The following GRM5 variants were observed in gnomAD, a reference collection of about 807,000 sequenced individuals.
The protein encoded by GRM5 is metabotropic glutamate receptor 5.
A neutral mutation model predicts 83.1 loss-of-function variants in GRM5; 19 were observed. That is an observed-to-expected ratio of 0.23 (90% confidence interval 0.16 to 0.34). GRM5 has a LOEUF of 0.34. GRM5 is among the 10% of genes least tolerant of loss of function. GRM5 has a pLI of 1.00. For synonymous variants in GRM5, 675 were observed against 633.6 expected, an observed-to-expected ratio of 1.07 and a Z score of -0.98; for missense variants, 1,160 against 1,588.3, an observed-to-expected ratio of 0.73 and a Z score of 4.58.
At chr11:88,884,571 G>A (rs1422647923) in intron 2 of GRM5, among the ~76,000 whole-genome samples, 6 of 152,128 alleles carry the variant, frequency 3.9e-5, no homozygotes, top group Non-Finnish European at 8.8e-5. Flanking sequence ...AAAGGGACAT[G>A]AGACTTGGGA....
chr11:88,989,580 AC>A (rs1349077386), intron 2 of GRM5, among the ~76,000 whole-genome samples: 1 of 138,260 alleles, frequency 7.2e-6, no homozygotes, highest in African/African-American at 2.9e-5. Context: ...ACCACACCAC[AC>A]CTATTCCAAA....
At chr11:89,024,989 G>A (rs952165590) in intron 2 of GRM5, among the ~76,000 whole-genome samples, 2 of 151,816 alleles carry the variant, frequency 1.3e-5, no homozygotes, top group African/African-American at 4.9e-5. Context: ...CTTAATGTCT[G>A]CCTCAAGCCA....
chr11:88,899,838 A>G (rs1333824334), intron 2 of GRM5, among the ~76,000 whole-genome samples: 1 of 152,062 alleles, frequency 6.6e-6, no homozygotes, highest in East Asian at 1.9e-4. Context: ...TTGTCAGCTG[A>G]TTAAATTTAT....
intron 9 of GRM5, among the ~76,000 whole-genome samples, 174 bp from the exon 10 acceptor site, chr11:88,509,678 C>A (rs1461070678): frequency 2.0e-5 from 3 of 152,130 alleles, no homozygotes; most frequent in African/African-American, 7.2e-5. Flanking sequence ...AGTGGCTTTC[C>A]TTTGCTTGTT....
intron 3 of GRM5, among the ~76,000 whole-genome samples, chr11:88,670,526 C>A (rs1402341533): frequency 9.1e-6 from 1 of 109,910 alleles, no homozygotes; most frequent in Non-Finnish European, 1.9e-5. Context: ...ATGACAGATA[C>A]CAAAATGATA....
intron 9 of GRM5, among the ~76,000 whole-genome samples, chr11:88,524,214 C>CTTTCTTTT (rs1555060035): frequency 9.9e-6 from 1 of 101,406 alleles, no homozygotes; most frequent in African/African-American, 4.5e-5. Context: ...TTCTTTCTTT[C>CTTTCTTTT]TTTTTTTTTT....
chr11:88,858,869 AACT>A (rs1219837094), intron 2 of GRM5, among the ~76,000 whole-genome samples: 2 of 152,072 alleles, frequency 1.3e-5, no homozygotes, highest in Non-Finnish European at 2.9e-5. Flanking sequence ...TCTGAATTGG[AACT>A]ATTTGGGAGT....
intron 2 of GRM5, among the ~76,000 whole-genome samples, chr11:88,863,679 G>C (rs1270086404): frequency 2.0e-5 from 3 of 151,618 alleles, no homozygotes; most frequent in African/African-American, 4.8e-5. Context: ...ATGTTAAAAG[G>C]AATTATGTTT....
chr11:89,031,525 T>C (rs1271453645), intron 2 of GRM5, among the ~76,000 whole-genome samples: 1 of 151,852 alleles, frequency 6.6e-6, no homozygotes, highest in Admixed American at 6.6e-5. Context: ...ATGCCACGAA[T>C]AACAATGTCC....
At chr11:88,942,297 G>T (rs1938141766) in intron 2 of GRM5, among the ~76,000 whole-genome samples, 1 of 151,976 alleles carries the variant, frequency 6.6e-6, no homozygotes, top group Non-Finnish European at 1.5e-5. Context: ...AGAGGGAAGT[G>T]TGTGGTAAGA....
chr11:88,743,409 A>T (rs572862691), intron 3 of GRM5, among the ~76,000 whole-genome samples: 1 of 152,220 alleles, frequency 6.6e-6, no homozygotes, highest in Non-Finnish European at 1.5e-5. Context: ...AGTATAATGG[A>T]ACTTTATCTC....
chr11:88,826,617 CAT>C (rs1943898605), intron 3 of GRM5, among the ~76,000 whole-genome samples: 1 of 151,968 alleles, frequency 6.6e-6, no homozygotes, highest in South Asian at 2.1e-4. Flanking sequence ...TGGTGACTGT[CAT>C]ATATGTACTG....
At chr11:88,550,584 T>C (rs1942485394) in intron 8 of GRM5, among the ~76,000 whole-genome samples, 3 of 152,142 alleles carry the variant, frequency 2.0e-5, no homozygotes, top group Non-Finnish European at 4.4e-5. Context: ...CTTCAGACGT[T>C]GACTGGATTA....
chr11:88,825,611 G>A (rs12273497), intron 3 of GRM5, among the ~76,000 whole-genome samples: 3,888 of 152,256 alleles, frequency 0.026, 175 homozygotes, highest in African/African-American at 0.089. Flanking sequence ...CAAGTGGGAT[G>A]CAACTAATGC....
At chr11:88,981,009 C>A (rs1170749119) in intron 2 of GRM5, among the ~76,000 whole-genome samples, 15 of 116,548 alleles carry the variant, frequency 1.3e-4, no homozygotes, top group Non-Finnish European at 4.1e-5. Flanking sequence ...AGTCCCTAAT[C>A]AGAAAAAAAA....
At chr11:88,929,100 A>G (rs1236414529) in intron 2 of GRM5, among the ~76,000 whole-genome samples, 1 of 152,136 alleles carries the variant, frequency 6.6e-6, no homozygotes, top group Non-Finnish European at 1.5e-5. Flanking sequence ...TTGGAATAAT[A>G]ATAACCAAAT....
chr11:88,556,119 G>C (rs1432613138), intron 8 of GRM5, among the ~76,000 whole-genome samples: 1 of 152,070 alleles, frequency 6.6e-6, no homozygotes, highest in African/African-American at 2.4e-5. Context: ...CCCCAGGATA[G>C]AGCAATGATT....
chr11:88,922,442 C>A (rs1945709325), intron 2 of GRM5, among the ~76,000 whole-genome samples: 1 of 152,078 alleles, frequency 6.6e-6, no homozygotes, highest in Admixed American at 6.6e-5. Context: ...ACAGTGAACT[C>A]ATTTTTGACT....
chr11:88,802,433 TCAGAAA>T (rs1375845072), intron 3 of GRM5, among the ~76,000 whole-genome samples: 2 of 152,096 alleles, frequency 1.3e-5, no homozygotes, highest in South Asian at 2.1e-4. Flanking sequence ...ATGAAACAAC[TCAGAAA>T]CAGAAAGTCA....
Sources: allele counts gnomAD v4.1 joint callset (sites outside exome capture counted in the v4.1 genomes callset), GRCh38; gene constraint gnomAD v4.1.1; transcripts MANE v1.5; gene names NCBI Gene and HGNC (gene_info 2026-07-23, HGNC 2026-07-21).